Variants in MBD5 observed in about 807,000 individuals in gnomAD.
The protein encoded by MBD5 is methyl-CpG-binding domain protein 5.
MBD5 carries 13 observed loss-of-function variants against 117.3 expected under a neutral mutation model. The ratio of observed to expected loss-of-function variants is 0.11; its 90% CI spans 0.07 to 0.18. The LOEUF is 0.18. Ranked by LOEUF, MBD5 falls within the 10% of genes least tolerant of loss-of-function variation. The pLI is 1.00. For missense variants in MBD5, 1,879 were observed against 2,093.8 expected (o/e 0.90, Z 2.00); for synonymous variants, 727 against 766.4 (o/e 0.95, Z 0.85).
chr2:148,380,951 A>G (rs1010040053), intron 4 of MBD5, among the ~76,000 whole-genome samples: 1 of 152,218 alleles, frequency 6.6e-6, no homozygotes, highest in Admixed American at 6.5e-5. Context: ...AAGGGCATCC[A>G]CACCAAAAAC....
intron 4 of MBD5, among the ~76,000 whole-genome samples, chr2:148,441,852 G>A (rs554955900): frequency 1.9e-4 from 29 of 152,124 alleles, no homozygotes; most frequent in African/African-American, 6.0e-4. Context: ...TTCTCTGTTG[G>A]CCAGTGATGA....
rs989897932 is a variant in MBD5, at chr2:148,287,666, G to T, written c.-680+54271G>T. Among the ~76,000 whole-genome samples, 17 of 152,320 alleles carry T rather than the reference G, an allele frequency of 1.1e-4. No individual in the cohort carries two copies. In the South Asian group the frequency reaches 3.1e-3, roughly 28 times the overall value. ...TGGGAAGTCCAAGGTCAAGGGGCCT[G>T]CATCTGGTGAGGACCTACTTGCCAC... On this transcript the variant is annotated intron_variant, in intron 3 of 13. Coordinates refer to ENST00000642680, the MANE Select transcript of MBD5 (RefSeq NM_001378120.1).
chr2:148,505,965 T>C (rs1212477008), intron 12 of MBD5, among the ~76,000 whole-genome samples: 2 of 152,162 alleles, frequency 1.3e-5, no homozygotes, highest in African/African-American at 2.4e-5. Flanking sequence ...ATAGATAATA[T>C]AGAGAGAGCC....
intron 1 of MBD5, among the ~76,000 whole-genome samples, chr2:148,030,223 A>G (rs1032702352): frequency 4.6e-5 from 7 of 152,018 alleles, no homozygotes; most frequent in Non-Finnish European, 1.5e-5. Context: ...TCCTGAGTGC[A>G]GAGATCATGC....
At chr2:148,446,602 CTGTGTGTGTGTG>C (rs1185100489) in intron 4 of MBD5, among the ~76,000 whole-genome samples, 8 of 148,784 alleles carry the variant, frequency 5.4e-5, no homozygotes, top group African/African-American at 2.0e-4. Context: ...GATTATTTAT[CTGTGTGTGTGTG>C]TGTGTGTGTG....
chr2:148,367,119 T>C (rs1011401496), intron 4 of MBD5, among the ~76,000 whole-genome samples: 3 of 152,068 alleles, frequency 2.0e-5, no homozygotes, highest in African/African-American at 7.2e-5. Context: ...GGTACTGGTA[T>C]CAAAACAGAT....
At chr2:148,441,360 G>GT (rs765325576) in intron 4 of MBD5, among the ~76,000 whole-genome samples, 4 of 151,946 alleles carry the variant, frequency 2.6e-5, no homozygotes, top group Admixed American at 2.0e-4. Context: ...GCGGTGTTTG[G>GT]TTTTTTGTCC....
chr2:148,171,959 C>T (rs1198261292), intron 1 of MBD5, among the ~76,000 whole-genome samples: 1 of 152,206 alleles, frequency 6.6e-6, no homozygotes, highest in East Asian at 1.9e-4. Flanking sequence ...GATCACTTGA[C>T]ACCAGGAGTT....
chr2:148,436,380 G>T (rs757253959), intron 4 of MBD5, among the ~76,000 whole-genome samples: 6 of 151,780 alleles, frequency 4.0e-5, no homozygotes, highest in Admixed American at 6.6e-5. Flanking sequence ...TGTTTTGTTT[G>T]GTTTTGTTTT....
At chr2:148,457,427 A>G (rs1706919078) in intron 4 of MBD5, among the ~76,000 whole-genome samples, 2 of 152,172 alleles carry the variant, frequency 1.3e-5, no homozygotes, top group African/African-American at 4.8e-5. Context: ...CATTCCCCAC[A>G]AGATTGGATA....
chr2:148,108,452 T>A (rs1696425136), intron 1 of MBD5, among the ~76,000 whole-genome samples: 2 of 152,054 alleles, frequency 1.3e-5, no homozygotes, highest in African/African-American at 4.8e-5. Flanking sequence ...GTGTGTCTAG[T>A]TTATGCTTAC....
At chr2:148,130,160 A>G (rs1187741143) in intron 1 of MBD5, among the ~76,000 whole-genome samples, 1 of 152,256 alleles carries the variant, frequency 6.6e-6, no homozygotes, top group Admixed American at 6.5e-5. Flanking sequence ...TTGTCCTAAA[A>G]GAGAAGACTA....
chr2:148,120,514 T>C (rs1696745915), intron 1 of MBD5, among the ~76,000 whole-genome samples: 1 of 152,242 alleles, frequency 6.6e-6, no homozygotes, highest in Non-Finnish European at 1.5e-5. Context: ...ACACTTTTGG[T>C]TATTCATAAG....
chr2:148,422,049 C>T (rs150001860), intron 4 of MBD5, among the ~76,000 whole-genome samples: 608 of 152,324 alleles, frequency 4.0e-3, no homozygotes, highest in Non-Finnish European at 7.2e-3. Flanking sequence ...CTGAAGACAG[C>T]AGTGTATCTC....
chr2:148,488,878 A>G (rs1986706), intron 10 of MBD5, among the ~76,000 whole-genome samples: 14,834 of 152,160 alleles, frequency 0.097, 860 homozygotes, highest in East Asian at 0.17. Context: ...TCTGAAAACT[A>G]GTGTCATGTT....
chr2:148,085,266 T>C (rs955424391), intron 1 of MBD5, among the ~76,000 whole-genome samples: 1 of 152,352 alleles, frequency 6.6e-6, no homozygotes, highest in East Asian at 1.9e-4. Context: ...TGTGGTTGAT[T>C]GTTGCTAATT....
intron 1 of MBD5, among the ~76,000 whole-genome samples, chr2:148,078,572 C>T (rs112547736): frequency 2.6e-5 from 4 of 152,084 alleles, no homozygotes; most frequent in Non-Finnish European, 5.9e-5. Flanking sequence ...TGTTAATTTC[C>T]ATAAAATGAA....
chr2:148,318,719 G>A (rs963003980), intron 3 of MBD5, among the ~76,000 whole-genome samples: 28 of 152,038 alleles, frequency 1.8e-4, no homozygotes, highest in Non-Finnish European at 4.1e-4. Context: ...TTTCTCCAGT[G>A]TATTTTGGTT....
rs566102192 is a variant in MBD5, at chr2:148,377,783, A to G, written c.-557+35447A>G. ...TGGACAGACAGTCTAAGTATTCTGC[A>G]TCCCCTTCCTTCTTTGAGGGTATCC... is the stretch of plus-strand genomic sequence containing the variant. On this transcript the variant is annotated intron_variant, in intron 4 of 13. Transcript: ENST00000642680. Among the ~76,000 whole-genome samples the G allele has an allele frequency of 7.2e-5, 11 of 152,326 alleles. No homozygotes were observed. In the South Asian group the frequency reaches 2.3e-3, roughly 32 times the overall value.
Sources: gnomAD v4.1 joint callset for allele counts (sites outside exome capture counted in the v4.1 genomes callset) on GRCh38, gnomAD v4.1.1 for gene constraint, MANE v1.5 for transcripts, NCBI Gene and HGNC (gene_info 2026-07-23, HGNC 2026-07-21) for gene names.